The following NCKAP5 variants were observed in gnomAD, a reference collection of about 807,000 sequenced individuals.
NCKAP5 encodes nck-associated protein 5.
In NCKAP5, 92 loss-of-function variants were observed where a neutral mutation model predicts 167.0. The ratio of observed to expected loss-of-function variants is 0.55; its 90% CI spans 0.47 to 0.66. The LOEUF (loss-of-function observed/expected upper bound fraction) is 0.66, where lower values mean the gene tolerates loss of function less well. Among genes scored for constraint, NCKAP5 ranks in the 30% least tolerant of loss-of-function variants. The probability of loss-of-function intolerance (pLI) is 0.00; values close to 1 mark genes in which losing one functional copy is unlikely to be tolerated. For synonymous variants in NCKAP5, 891 were observed against 877.4 expected (o/e 1.02, Z -0.27); for missense variants, 2,378 against 2,315.0 (o/e 1.03, Z -0.56).
intron 4 of NCKAP5, among the ~76,000 whole-genome samples, chr2:133,266,775 C>G: frequency 6.6e-6 from 1 of 152,194 alleles, no homozygotes; most frequent in East Asian, 1.9e-4. Flanking sequence ...CGAGCCCTCT[C>G]CTGCCGCGGG....
rs1050920249 is a variant in NCKAP5, at chr2:133,179,602, G to C, written c.207+34114C>G. Among the ~76,000 whole-genome samples the C allele has an allele frequency of 3.3e-5, 5 of 152,214 alleles. No individual in the cohort carries two copies. In the South Asian group the frequency reaches 8.3e-4, roughly 25 times the overall value. On this transcript the variant is annotated intron_variant, in intron 5 of 19. Coordinates refer to ENST00000409261, the MANE Select transcript of NCKAP5 (RefSeq NM_207363.3). ...GAATAGTAATGAACATGTTTAACAA[G>C]TAAAAACCAGAAATCCTTAGCAAAG... is the stretch of plus-strand genomic sequence containing the variant.
chr2:133,503,684 A>G lies in NCKAP5; in HGVS notation c.69+13774T>C, dbSNP rs114015022. On this transcript the variant is annotated intron_variant, in intron 3 of 19. Transcript: ENST00000409261. Reference sequence around the variant, plus strand: ...AATTTTTCATGGGGATCCGGTAACCATATAGGAAAAAGGAGGAACCATCTT... The same window carrying G: ...AATTTTTCATGGGGATCCGGTAACCGTATAGGAAAAAGGAGGAACCATCTT... Among the ~76,000 whole-genome samples the G allele has an allele frequency of 2.7e-3, 406 of 152,346 alleles. 1 individual carries two copies. Among genetic ancestry groups the G allele is most frequent in the Non-Finnish European group, 4.6e-3 (314 of 68,036 alleles).
chr2:132,794,223 CAT>C (rs1166750939), intron 12 of NCKAP5, among the ~76,000 whole-genome samples: 276 of 21,080 alleles, frequency 0.013, 5 homozygotes, highest in Middle Eastern at 0.1. Flanking sequence ...AATGTTTATA[CAT>C]ATATATATAT....
At chr2:133,090,212 TAAA>T (rs56131091) in intron 6 of NCKAP5, among the ~76,000 whole-genome samples, 1 of 135,702 alleles carries the variant, frequency 7.4e-6, no homozygotes, top group African/African-American at 2.7e-5. Flanking sequence ...ACAAGAAAAT[TAAA>T]AAAAAAAAAA....
chr2:133,624,299 T>C, the NCKAP5 span, among the ~76,000 whole-genome samples: 1 of 152,114 alleles, frequency 6.6e-6, no homozygotes, highest in Non-Finnish European at 1.5e-5. Context: ...AAATAAATTT[T>C]TTAAAAAGAA....
intron 3 of NCKAP5, among the ~76,000 whole-genome samples, chr2:133,354,053 G>C (rs2150830052): frequency 6.6e-6 from 1 of 152,294 alleles, no homozygotes; most frequent in East Asian, 1.9e-4. Flanking sequence ...GTAACACACA[G>C]CTACTTGGGC....
intron 19 of NCKAP5, among the ~76,000 whole-genome samples, chr2:132,686,368 A>T (rs1478208044): frequency 6.6e-6 from 1 of 152,126 alleles, no homozygotes; most frequent in African/African-American, 2.4e-5. Flanking sequence ...TGAGACTCAG[A>T]AGAAGGGAAA....
At chr2:133,083,833 G>A (rs1390311311) in intron 6 of NCKAP5, among the ~76,000 whole-genome samples, 2 of 152,162 alleles carry the variant, frequency 1.3e-5, no homozygotes, top group African/African-American at 4.8e-5. Flanking sequence ...GCTAAGTGCT[G>A]AGGATATAGC....
At chr2:133,489,941 C>T (rs959405511) in intron 3 of NCKAP5, among the ~76,000 whole-genome samples, 2 of 152,116 alleles carry the variant, frequency 1.3e-5, no homozygotes, top group Non-Finnish European at 2.9e-5. Context: ...ACACCAGGAA[C>T]TAGCTGGGCT....
chr2:132,847,743 T>C (rs766191464), intron 11 of NCKAP5, among the ~76,000 whole-genome samples: 8 of 152,192 alleles, frequency 5.3e-5, no homozygotes, highest in Non-Finnish European at 1.0e-4. Context: ...TACAAGCAGC[T>C]ACATGGCTGA....
intron 3 of NCKAP5, among the ~76,000 whole-genome samples, chr2:133,321,508 G>A (rs1330231741): frequency 6.6e-6 from 1 of 152,172 alleles, no homozygotes; most frequent in Non-Finnish European, 1.5e-5. Context: ...AGCTTACAAT[G>A]ACAAAACTAG....
At chr2:132,810,387 C>T (rs577167076) in intron 11 of NCKAP5, among the ~76,000 whole-genome samples, 1 of 152,296 alleles carries the variant, frequency 6.6e-6, no homozygotes, top group South Asian at 2.1e-4. Context: ...TTAGAATTCT[C>T]TTCTTCCTCA....
intron 6 of NCKAP5, chr2:133,116,953 T>C (rs1345716911): frequency 6.6e-6 from 1 of 152,236 alleles, no homozygotes; most frequent in African/African-American, 2.4e-5. Flanking sequence ...ACTTGTTCTT[T>C]TGTAGACAAC....
At chr2:132,827,553 A>G (rs1687216638) in intron 11 of NCKAP5, among the ~76,000 whole-genome samples, 1 of 152,210 alleles carries the variant, frequency 6.6e-6, no homozygotes, top group African/African-American at 2.4e-5. Context: ...AATCCTCGCA[A>G]CTTCCCTATG....
intron 7 of NCKAP5, among the ~76,000 whole-genome samples, chr2:132,989,622 T>C (rs188200214): frequency 2.2e-4 from 34 of 152,312 alleles, no homozygotes; most frequent in African/African-American, 7.9e-4. Flanking sequence ...GAACATTTTA[T>C]AGCTTGTTAA....
At chr2:132,775,088 C>T (rs899631150) in intron 15 of NCKAP5, among the ~76,000 whole-genome samples, 13 of 152,088 alleles carry the variant, frequency 8.5e-5, no homozygotes, top group African/African-American at 2.9e-4. Context: ...CCTAGGCAGC[C>T]AATGATAATA....
At chr2:132,966,391 C>A (rs554696689) in intron 7 of NCKAP5, among the ~76,000 whole-genome samples, 2 of 152,302 alleles carry the variant, frequency 1.3e-5, no homozygotes, top group African/African-American at 4.8e-5. Flanking sequence ...TAAGCCACCA[C>A]ACCTAGCCTT....
chr2:133,217,297 C>T (rs1055700675), intron 4 of NCKAP5, among the ~76,000 whole-genome samples: 6 of 152,004 alleles, frequency 3.9e-5, no homozygotes, highest in Admixed American at 6.6e-5. Flanking sequence ...ACAAAGTGAA[C>T]ATGTCCGTAT....
intron 3 of NCKAP5, among the ~76,000 whole-genome samples, chr2:133,505,184 A>C (rs1682893331): frequency 2.0e-5 from 3 of 152,176 alleles, no homozygotes. Context: ...GCAAGAGGCC[A>C]AGATTTCCAG....
Sources: gnomAD v4.1 joint callset for allele counts (sites outside exome capture counted in the v4.1 genomes callset) on GRCh38, gnomAD v4.1.1 for gene constraint, MANE v1.5 for transcripts, NCBI Gene and HGNC (gene_info 2026-07-23, HGNC 2026-07-21) for gene names.